The following JAZF1 variants were observed in gnomAD, a reference collection of about 807,000 sequenced individuals.
JAZF1 encodes JAZF zinc finger 1, also known as juxtaposed with another zinc finger protein 1.
JAZF1 carries 8 observed loss-of-function variants against 26.4 expected under a neutral mutation model. That is an observed-to-expected ratio of 0.30 (90% CI 0.18 to 0.55). JAZF1 has a LOEUF of 0.55. JAZF1 is among the 20% of genes least tolerant of loss of function. The probability of loss-of-function intolerance (pLI) is 0.94; values close to 1 mark genes in which losing one functional copy is unlikely to be tolerated. For missense variants in JAZF1, 199 were observed against 322.0 expected (o/e 0.62, Z 2.92); for synonymous variants, 126 against 122.3 (o/e 1.03, Z -0.20).
rs144183786 is a variant in JAZF1, at chr7:27,998,338, C to T, written c.116-6357G>A. Among the ~76,000 whole-genome samples the T allele has an allele frequency of 7.1e-4, 108 of 152,278 alleles. 2 individuals are homozygous for T. The highest frequency in any genetic ancestry group is 2.5e-3 in the African/African-American group (103 of 41,550). On this transcript the variant is annotated intron_variant, in intron 1 of 4. Transcript: ENST00000283928. ...ATACTTTCTTAAAAGCCCCATAGTT[C>T]TGTCGGCTGCAACTTTTACCCCACT... is the stretch of plus-strand genomic sequence containing the variant.
rs1238770936 is a variant in JAZF1, at chr7:27,992,097, T to G, written c.116-116A>C. On this transcript the variant is annotated intron_variant, in intron 1 of 4. Coordinates refer to ENST00000283928, the MANE Select transcript of JAZF1 (RefSeq NM_175061.4). ...AAAAAGATTAATTTAGTACACCACT[T>G]TTTAAAGAAAACTGAGTCGGCGAAG... The G allele has an allele frequency of 6.7e-6, 5 of 743,254 alleles. No individual in the cohort carries two copies. In the African/African-American group the frequency reaches 6.9e-5, roughly 10 times the overall value. The allele number at this position is 743,254 out of a possible 1,614,324, so 46.0% of individuals were successfully genotyped here. A position where few individuals can be genotyped will look rare whatever the true frequency, so the allele number is the denominator to read the frequency against.
intron 1 of JAZF1, among the ~76,000 whole-genome samples, chr7:28,175,761 CT>C (rs1250415242): frequency 1.1e-4 from 17 of 152,344 alleles, no homozygotes; most frequent in African/African-American, 3.8e-4. Context: ...ATAGGCTTAG[CT>C]TTGCATACCT....
At chr7:27,861,711 T>C (rs1484520329) in intron 3 of JAZF1, among the ~76,000 whole-genome samples, 2 of 152,218 alleles carry the variant, frequency 1.3e-5, no homozygotes, top group African/African-American at 2.4e-5. Context: ...TTCCCAAACC[T>C]TGAGGATCCT....
chr7:28,071,975 T>C (rs1234473227), intron 1 of JAZF1, among the ~76,000 whole-genome samples: 1 of 152,226 alleles, frequency 6.6e-6, no homozygotes, highest in Admixed American at 6.5e-5. Flanking sequence ...AAAGAAGAAA[T>C]TCATGATGTT....
intron 1 of JAZF1, among the ~76,000 whole-genome samples, chr7:28,160,312 C>T (rs911759727): frequency 2.0e-5 from 3 of 152,148 alleles, no homozygotes; most frequent in Admixed American, 2.0e-4. Context: ...TCACTCTCTC[C>T]CCTCACCCTG....
At chr7:28,168,558 A>G (rs1228112700) in intron 1 of JAZF1, among the ~76,000 whole-genome samples, 1 of 152,204 alleles carries the variant, frequency 6.6e-6, no homozygotes, top group Non-Finnish European at 1.5e-5. Flanking sequence ...TCAGTTTGCC[A>G]GTCTCTGCCA....
intron 1 of JAZF1, among the ~76,000 whole-genome samples, chr7:28,101,474 C>T (rs1217060779): frequency 6.7e-6 from 1 of 150,234 alleles, no homozygotes; most frequent in East Asian, 2.0e-4. Flanking sequence ...CATGGTGGCT[C>T]ATGCCTGTAA....
At chr7:27,960,077 C>G (rs1249916322) in intron 2 of JAZF1, among the ~76,000 whole-genome samples, 2 of 152,156 alleles carry the variant, frequency 1.3e-5, no homozygotes, top group Non-Finnish European at 2.9e-5. Context: ...CATAAAAATG[C>G]ATTTAAATCC....
Position 28,071,561 on chromosome 7 carries a change from A to T in JAZF1, c.116-79580T>A, listed in dbSNP as rs1279408810. On this transcript the variant is annotated intron_variant, in intron 1 of 4. Coordinates refer to ENST00000283928, the MANE Select transcript of JAZF1 (RefSeq NM_175061.4). ...TACACAAAAGTTAGTATGTCCCATA[A>T]AAGTATTTTTAACCAGCTCCTAATC... The T allele has an allele frequency of 1.1e-5, 5 of 469,228 alleles. No individual in the cohort carries two copies. The Admixed American group carries it at 1.2e-4, about 11-fold the overall frequency. 29.1% of individuals were successfully genotyped at this position (469,228 alleles called of 1,614,324 possible).
intron 1 of JAZF1, among the ~76,000 whole-genome samples, chr7:28,171,379 T>C (rs1362747993): frequency 1.3e-5 from 2 of 152,260 alleles, no homozygotes; most frequent in African/African-American, 4.8e-5. Context: ...TGTTTTTCAC[T>C]GTCCAAAGTT....
chr7:28,045,201 A>G (rs542393041), intron 1 of JAZF1, among the ~76,000 whole-genome samples: 4 of 152,258 alleles, frequency 2.6e-5, no homozygotes, highest in African/African-American at 9.6e-5. Context: ...TGGTAGGAGT[A>G]TGTCTACAGA....
chr7:27,874,497 G>A (rs1178077150), intron 3 of JAZF1, among the ~76,000 whole-genome samples: 2 of 152,034 alleles, frequency 1.3e-5, no homozygotes, highest in Non-Finnish European at 2.9e-5. Flanking sequence ...CTAGGCTCAT[G>A]GGATTTCCAG....
intron 1 of JAZF1, among the ~76,000 whole-genome samples, chr7:28,012,939 C>T (rs1269769599): frequency 6.6e-6 from 1 of 152,012 alleles, no homozygotes; most frequent in East Asian, 1.9e-4. Context: ...TTTTTCCCAC[C>T]ACAACCTAAG....
intron 1 of JAZF1, among the ~76,000 whole-genome samples, chr7:28,060,394 G>A (rs142511547): frequency 3.9e-5 from 6 of 152,318 alleles, no homozygotes; most frequent in African/African-American, 1.4e-4. Context: ...GGGAGCTAAT[G>A]TATTTTAGGA....
At chr7:27,838,942 T>G (rs1156751852) in intron 4 of JAZF1, among the ~76,000 whole-genome samples, 2 of 152,206 alleles carry the variant, frequency 1.3e-5, no homozygotes, top group Admixed American at 6.5e-5. Context: ...CACTGAATTC[T>G]CAGTGGCCTT....
intron 3 of JAZF1, among the ~76,000 whole-genome samples, chr7:27,868,046 A>G (rs1783509175): frequency 6.6e-6 from 1 of 152,116 alleles, no homozygotes; most frequent in African/African-American, 2.4e-5. Context: ...AAGACATTCA[A>G]TTCCATTTGC....
At chr7:27,893,297 G>C (rs1412927581) in intron 3 of JAZF1, among the ~76,000 whole-genome samples, 1 of 152,222 alleles carries the variant, frequency 6.6e-6, no homozygotes, top group African/African-American at 2.4e-5. Flanking sequence ...ATGGAAAATG[G>C]ATGACAGAGA....
At chr7:28,086,461 C>T (rs908292646) in intron 1 of JAZF1, among the ~76,000 whole-genome samples, 1 of 152,166 alleles carries the variant, frequency 6.6e-6, no homozygotes, top group African/African-American at 2.4e-5. Flanking sequence ...TCCTTAGGAG[C>T]TGATGATCTG....
chr7:28,173,572 G>T (rs1422716531), intron 1 of JAZF1, among the ~76,000 whole-genome samples: 1 of 151,896 alleles, frequency 6.6e-6, no homozygotes, highest in East Asian at 1.9e-4. Context: ...CCAAAGAAAT[G>T]GTGAATTTTT....
Sources: gnomAD v4.1 joint callset for allele counts (sites outside exome capture counted in the v4.1 genomes callset) on GRCh38, gnomAD v4.1.1 for gene constraint, MANE v1.5 for transcripts, NCBI Gene and HGNC (gene_info 2026-07-23, HGNC 2026-07-21) for gene names.